MGA: variants seen among roughly 807,000 people sequenced by gnomAD.
The protein encoded by MGA is MAX gene-associated protein.
Under a neutral mutation model 261.1 loss-of-function variants are expected in MGA, and 40 were observed. The ratio of observed to expected loss-of-function variants is 0.15; its 90% CI spans 0.12 to 0.20. The LOEUF is 0.20. Ranked by LOEUF, MGA falls within the 10% of genes least tolerant of loss-of-function variation. MGA has a pLI of 1.00. For synonymous variants in MGA, 1,302 were observed against 1,290.6 expected (o/e 1.01, Z -0.19); for missense variants, 3,397 against 3,630.5 (o/e 0.94, Z 1.65).
chr15:41,643,278 T>TAC (rs2056864035), intron 1 of MGA, among the ~76,000 whole-genome samples: 2 of 151,344 alleles, frequency 1.3e-5, no homozygotes, highest in African/African-American at 2.4e-5. Flanking sequence ...TCTCACGCTG[T>TAC]GGCCCAGGCT....
chr15:41,757,370 T>C (rs2063210476), intron 18 of MGA, among the ~76,000 whole-genome samples: 2 of 152,332 alleles, frequency 1.3e-5, no homozygotes, highest in African/African-American at 4.8e-5. Context: ...ACTGTTTACT[T>C]AGTTTTTACA....
At chr15:41,697,388 T>C (rs2059595678) in intron 3 of MGA, among the ~76,000 whole-genome samples, 1 of 151,832 alleles carries the variant, frequency 6.6e-6, no homozygotes, top group Non-Finnish European at 1.5e-5. Context: ...CCATTTCTTT[T>C]ACCTCCTGGT....
At chr15:41,715,988 T>C (rs1009652494) in intron 9 of MGA, among the ~76,000 whole-genome samples, 1 of 152,192 alleles carries the variant, frequency 6.6e-6, no homozygotes, top group Non-Finnish European at 1.5e-5. Context: ...TGCTTTTTGA[T>C]TATTGTCTTC....
chr15:41,708,570 C>T (rs1022484933), intron 7 of MGA, among the ~76,000 whole-genome samples: 13 of 152,164 alleles, frequency 8.5e-5, no homozygotes, highest in Admixed American at 3.9e-4. Context: ...CCGTCCGCCT[C>T]GGCCTCCCAA....
At chr15:41,706,480 T>A (rs1042014556) in intron 5 of MGA, among the ~76,000 whole-genome samples, 69 of 152,030 alleles carry the variant, frequency 4.5e-4, no homozygotes, top group African/African-American at 1.6e-3. Context: ...CTAATGTCTT[T>A]ACCTGTTAGA....
intron 2 of MGA, chr15:41,684,726 G>A (rs1367687170): frequency 1.8e-5 from 3 of 165,046 alleles, no homozygotes; most frequent in Non-Finnish European, 2.6e-5. Context: ...TGAAGATATC[G>A]AGAGAAAAAT....
At chr15:41,748,554 T>C (rs1267589986) in intron 15 of MGA, 83 bp from the exon 16 acceptor site, 2 of 1,443,396 alleles carry the variant, frequency 1.4e-6, no homozygotes, top group African/African-American at 2.8e-5. Context: ...AGACTGTGTC[T>C]TAAAAAATAT....
intron 12 of MGA, 34 bp from the exon 13 acceptor site, chr15:41,736,147 C>T (rs763850241): frequency 7.0e-7 from 1 of 1,436,524 alleles, no homozygotes; most frequent in Non-Finnish European, 9.2e-7. Context: ...AATAATCTTT[C>T]AACTTTTTCT....
intron 9 of MGA, among the ~76,000 whole-genome samples, chr15:41,721,674 A>G (rs2060945426): frequency 6.6e-6 from 1 of 152,232 alleles, no homozygotes; most frequent in Non-Finnish European, 1.5e-5. Context: ...GACACCTGCC[A>G]GAATGGTTAT....
At chr15:41,641,480 C>T (rs1187906841) in intron 1 of MGA, among the ~76,000 whole-genome samples, 1 of 149,648 alleles carries the variant, frequency 6.7e-6, no homozygotes, top group South Asian at 2.1e-4. Context: ...TTTTCTACAT[C>T]CTAACACTTT....
Position 41,736,687 on chromosome 15 carries a change from G to A in MGA, c.4423G>A (p.Gly1475Arg). The change falls in exon 13 of 24, where the codon GGG becomes AGG. Residue 1475 changes from glycine to arginine, a missense_variant. Physicochemically the swap from Gly to Arg is moderately radical, Grantham distance 125 (BLOSUM62 -2). Transcript: ENST00000219905. ...ACGTAAACCCAGTTCAAGTACATCT[G>A]GGCTTATCCAGGTGAGAATTATCTT... is the stretch of plus-strand genomic sequence containing the variant. 6.2e-7 allele frequency: 1 copy of A among 1,605,716 alleles called. No homozygotes were observed. The highest frequency in any genetic ancestry group is 8.5e-7 in the Non-Finnish European group (1 of 1,176,276).
At chr15:41,733,284 C>T (rs2061604938) in intron 11 of MGA, among the ~76,000 whole-genome samples, 1 of 151,796 alleles carries the variant, frequency 6.6e-6, no homozygotes, top group Non-Finnish European at 1.5e-5. Context: ...AACTTGCTTT[C>T]ACTTAAAAAA....
chr15:41,723,928 A>G (rs2061087157), intron 9 of MGA, among the ~76,000 whole-genome samples: 1 of 152,100 alleles, frequency 6.6e-6, no homozygotes, highest in Admixed American at 6.5e-5. Context: ...GTGAGATATT[A>G]AGAGAAATAT....
At chr15:41,716,322 C>G (rs921139622) in intron 9 of MGA, among the ~76,000 whole-genome samples, 2 of 151,170 alleles carry the variant, frequency 1.3e-5, no homozygotes, top group Non-Finnish European at 2.9e-5. Context: ...GGCGTGGTGG[C>G]GGGCACCTGT....
intron 2 of MGA, among the ~76,000 whole-genome samples, chr15:41,693,540 T>C (rs774600807): frequency 6.6e-6 from 1 of 152,160 alleles, no homozygotes; most frequent in Non-Finnish European, 1.5e-5. Context: ...CTTGTGCCTA[T>C]TTTAAGTTTT....
chr15:41,724,945 C>T (rs930364771), intron 9 of MGA, among the ~76,000 whole-genome samples: 1 of 152,026 alleles, frequency 6.6e-6, no homozygotes, highest in Admixed American at 6.6e-5. Flanking sequence ...ATACTACTTA[C>T]GAAAATCAGG....
chr15:41,622,608 A>G (rs1320480563), intron 1 of MGA, among the ~76,000 whole-genome samples: 1 of 152,240 alleles, frequency 6.6e-6, no homozygotes, highest in African/African-American at 2.4e-5. Flanking sequence ...TCAAAAGGTA[A>G]CTACTATTGT....
In MGA at chr15:41,740,134, T is replaced by C. The variant is rs1453212047; in HGVS notation, c.4516T>C (p.Ser1506Pro). The C allele has an allele frequency of 1.2e-6, 2 of 1,613,886 alleles. No homozygotes were observed. Among genetic ancestry groups the C allele is most frequent in the Non-Finnish European group, 1.7e-6 (2 of 1,179,906 alleles). ...AACATCCAATTCCAAAATGGCATCC[T>C]CCTCTGGCACTGCAACAAATCGCCC... The change falls in exon 14 of 24, where the codon TCC becomes CCC. Residue 1506 changes from serine to proline, a missense_variant. Ser to Pro is a moderately conservative substitution (Grantham distance 74, BLOSUM62 -1). Transcript: ENST00000219905.
chr15:41,630,923 C>G (rs2150547295), intron 1 of MGA, among the ~76,000 whole-genome samples: 1 of 152,184 alleles, frequency 6.6e-6, no homozygotes, highest in Non-Finnish European at 1.5e-5. Context: ...ATTTTTCAGC[C>G]TGTGAGTCCA....
Sources: allele counts gnomAD v4.1 joint callset (sites outside exome capture counted in the v4.1 genomes callset), GRCh38; gene constraint gnomAD v4.1.1; transcripts MANE v1.5; gene names NCBI Gene and HGNC (gene_info 2026-07-23, HGNC 2026-07-21).